Variants in EVC2 observed in about 807,000 individuals in gnomAD.
EVC2 encodes limbin.
EVC2 carries 148 observed loss-of-function variants against 149.3 expected under a neutral mutation model. That is an observed-to-expected ratio of 0.99 (90% CI 0.87 to 1.14). The LOEUF is 1.14. EVC2 is among the 50% of genes most tolerant of loss of function. The pLI, the probability that EVC2 is intolerant of heterozygous loss-of-function variation, is 0.00. For synonymous variants in EVC2, 776 were observed against 649.9 expected (o/e 1.19, Z -2.95); for missense variants, 1,854 against 1,627.3 (o/e 1.14, Z -2.40).
chr4:5,556,370 G>A (rs1188770570), intron 21 of EVC2, among the ~76,000 whole-genome samples: 1 of 151,656 alleles, frequency 6.6e-6, no homozygotes, highest in Non-Finnish European at 1.5e-5. Context: ...TCAAGAGAAT[G>A]GTAAAAATAT....
chr4:5,595,601 C>A (rs947247646), intron 16 of EVC2, among the ~76,000 whole-genome samples: 2 of 152,000 alleles, frequency 1.3e-5, no homozygotes, highest in Non-Finnish European at 2.9e-5. Context: ...CTGGTACCAG[C>A]CACTGCAAAA....
intron 16 of EVC2, among the ~76,000 whole-genome samples, chr4:5,611,135 G>A (rs1386093528): frequency 6.6e-6 from 1 of 152,170 alleles, no homozygotes; most frequent in Admixed American, 6.5e-5. Context: ...TATGGAAGAA[G>A]TGATAACTAG....
chr4:5,571,844 C>T (rs573616331), intron 19 of EVC2, among the ~76,000 whole-genome samples: 164 of 152,224 alleles, frequency 1.1e-3, no homozygotes, highest in African/African-American at 3.6e-3. Context: ...TGAGGGAAGT[C>T]GATGGCCTGT....
chr4:5,535,234 C>T, the EVC2 span, among the ~76,000 whole-genome samples: 1 of 152,144 alleles, frequency 6.6e-6, no homozygotes, highest in African/African-American at 2.4e-5. This position sits in a 1 kb window ranked among gnomAD's most constrained non-coding sequence, Gnocchi z 4.7. Flanking sequence ...GGAGGCTGGA[C>T]CCCCGAACGT....
chr4:5,553,022 G>C (rs1435069738), intron 21 of EVC2, among the ~76,000 whole-genome samples: 2 of 152,312 alleles, frequency 1.3e-5, no homozygotes, highest in East Asian at 3.9e-4. Flanking sequence ...GATGGATATT[G>C]CCGGTATTGG....
chr4:5,551,984 C>G (rs755849471), intron 21 of EVC2, among the ~76,000 whole-genome samples: 2 of 152,178 alleles, frequency 1.3e-5, no homozygotes, highest in Non-Finnish European at 2.9e-5. Flanking sequence ...GTCCATAAAA[C>G]CTTTTTCCTG....
downstream of EVC2, among the ~76,000 whole-genome samples, chr4:5,542,273 G>A (rs1223270909): frequency 1.3e-5 from 2 of 151,996 alleles, no homozygotes; most frequent in African/African-American, 4.8e-5. Context: ...GAAACGTGGT[G>A]AAACCCCACC....
chr4:5,653,380 G>A lies in EVC2; in HGVS notation c.1145+9727C>T, dbSNP rs75595758. Among the ~76,000 whole-genome samples the A allele has an allele frequency of 8.4e-3, 1,277 of 152,280 alleles. 44 individuals carry two copies. The highest frequency in any genetic ancestry group is 0.063 in the Admixed American group (963 of 15,288). On this transcript the variant is annotated intron_variant, in intron 9 of 21. Coordinates refer to ENST00000344408, the MANE Select transcript of EVC2 (RefSeq NM_147127.5). ...GAAATGGGTTGGCCATCTATTAGGC[G>A]TACCAGAGACTATTCCTGCTCTAGC...
chr4:5,640,020 G>T lies in EVC2; in HGVS notation c.1470+494C>A, dbSNP rs1390701578. On this transcript the variant is annotated intron_variant, in intron 10 of 21. Coordinates refer to ENST00000344408, the MANE Select transcript of EVC2 (RefSeq NM_147127.5). This position sits in a 1 kb window ranked among gnomAD's most constrained non-coding sequence, Gnocchi z 4.6. ...TGAATTCTGGATGGATGGATGGGTGGATGAGTGATAATGGGCAGATGGGTG... is the reference window on the plus strand; with the variant it reads ...TGAATTCTGGATGGATGGATGGGTGTATGAGTGATAATGGGCAGATGGGTG... Among the ~76,000 whole-genome samples, 1 of 152,176 alleles carries T rather than the reference G, an allele frequency of 6.6e-6. No individual in the cohort carries two copies. Among genetic ancestry groups the T allele is most frequent in the Non-Finnish European group, 1.5e-5 (1 of 68,032 alleles).
downstream of EVC2, among the ~76,000 whole-genome samples, chr4:5,539,521 A>G (rs1237845042): frequency 6.6e-6 from 1 of 152,282 alleles, no homozygotes; most frequent in African/African-American, 2.4e-5. Flanking sequence ...ATCTAACACA[A>G]CCTGATTTAA....
chr4:5,606,351 T>G (rs571384112), intron 16 of EVC2, among the ~76,000 whole-genome samples: 13 of 152,206 alleles, frequency 8.5e-5, no homozygotes, highest in Non-Finnish European at 1.5e-4. Flanking sequence ...CTTTGATCTC[T>G]AAGATGCAAT....
intron 16 of EVC2, among the ~76,000 whole-genome samples, chr4:5,594,698 C>G (rs1169816478): frequency 6.6e-6 from 1 of 152,194 alleles, no homozygotes; most frequent in African/African-American, 2.4e-5. Flanking sequence ...TCCTCACCAG[C>G]AACGGAACAA....
At chr4:5,638,901 C>T (rs12504168) in intron 10 of EVC2, among the ~76,000 whole-genome samples, 50,757 of 152,050 alleles carry the variant, frequency 0.33, 10,512 homozygotes, top group East Asian at 0.66. Context: ...AGATTTTGGA[C>T]GTCTGGCCTC....
Position 5,618,122 on chromosome 4 carries a change from G to C in EVC2, c.2706+356C>G, listed in dbSNP as rs570884688. 2.0e-5 allele frequency among the ~76,000 whole-genome samples: 3 copies of C among 152,326 alleles called. No homozygotes were observed. Among genetic ancestry groups the C allele is most frequent in the Admixed American group, 6.5e-5 (1 of 15,300 alleles). ...TATAGAAAGGCCTTTTGTACCCAGA[G>C]TCAGTCATTAGCTGTGGCTGGAGGA... On this transcript the variant is annotated intron_variant, in intron 15 of 21. Coordinates refer to ENST00000344408, the MANE Select transcript of EVC2 (RefSeq NM_147127.5). This position sits in a 1 kb window ranked among gnomAD's most constrained non-coding sequence, Gnocchi z 4.4.
At chr4:5,537,613 C>G in the EVC2 span, among the ~76,000 whole-genome samples, 2 of 152,130 alleles carry the variant, frequency 1.3e-5, no homozygotes, top group African/African-American at 4.8e-5. Context: ...CAAAGCCCAA[C>G]AATAGTTACA....
intron 21 of EVC2, among the ~76,000 whole-genome samples, chr4:5,565,027 C>T (rs1002585492): frequency 1.3e-5 from 2 of 152,220 alleles, no homozygotes; most frequent in Non-Finnish European, 2.9e-5. Flanking sequence ...AAAATAAATA[C>T]AGAATGTAAA....
Position 5,574,778 on chromosome 4 carries a change from G to C in EVC2, c.3273-6C>G. On this transcript the variant is annotated splice_region_variant and splice_polypyrimidine_tract_variant and intron_variant, in intron 18 of 21. Coordinates refer to ENST00000344408, the MANE Select transcript of EVC2 (RefSeq NM_147127.5). ...TCTGTTGTTCCTCTCTCAAACTGGA[G>C]TGAAAATAAAATATACGTAAGTTCA... The C allele has an allele frequency of 8.1e-6, 13 of 1,613,992 alleles. No individual in the cohort carries two copies. Among genetic ancestry groups the C allele is most frequent in the Non-Finnish European group, 1.1e-5 (13 of 1,179,874 alleles).
downstream of EVC2, among the ~76,000 whole-genome samples, chr4:5,537,997 AG>A (rs1721451085): frequency 6.6e-6 from 1 of 151,974 alleles, no homozygotes; most frequent in Non-Finnish European, 1.5e-5. Context: ...TGAAGCTATA[AG>A]CTGATTCTTG....
chr4:5,641,529 A>C (rs1717327399), intron 9 of EVC2, among the ~76,000 whole-genome samples: 1 of 152,208 alleles, frequency 6.6e-6, no homozygotes, highest in Admixed American at 6.5e-5. Context: ...GGTGTTCTGA[A>C]ACCTGACTGG....
Sources: allele counts gnomAD v4.1 joint callset (sites outside exome capture counted in the v4.1 genomes callset), GRCh38; gene constraint gnomAD v4.1.1; non-coding constraint Gnocchi (gnomAD v3.1); transcripts MANE v1.5; gene names NCBI Gene and HGNC (gene_info 2026-07-23, HGNC 2026-07-21).